Variants in FHIT observed in about 807,000 individuals in gnomAD.
FHIT encodes bis(5'-adenosyl)-triphosphatase.
In FHIT, 19 loss-of-function variants were observed where a neutral mutation model predicts 17.9. That is an observed-to-expected ratio of 1.06 (90% confidence interval 0.74 to 1.56). FHIT has a LOEUF of 1.56. FHIT is among the 40% of genes most tolerant of loss of function. FHIT has a pLI of 0.00. For synonymous variants in FHIT, 81 were observed against 69.7 expected (o/e 1.16, Z -0.81); for missense variants, 248 against 189.2 (o/e 1.31, Z -1.82).
chr3:60,103,815 G>C (rs1195158544), intron 5 of FHIT, among the ~76,000 whole-genome samples: 6 of 152,174 alleles, frequency 3.9e-5, no homozygotes, highest in Admixed American at 3.9e-4. Flanking sequence ...ACTGCTTCAG[G>C]AATATGTTTT....
chr3:60,571,356 A>AAAAAAAAAAG (rs1559549048), intron 4 of FHIT, among the ~76,000 whole-genome samples: 7 of 143,128 alleles, frequency 4.9e-5, no homozygotes, highest in African/African-American at 1.7e-4. Context: ...AAAAAAAAAA[A>AAAAAAAAAAG]AAAAAAAGAA....
At chr3:60,523,109 ACCAT>A (rs965935430) in intron 5 of FHIT, among the ~76,000 whole-genome samples, 3 of 152,180 alleles carry the variant, frequency 2.0e-5, no homozygotes, top group Non-Finnish European at 2.9e-5. Flanking sequence ...TATGGGGGAA[ACCAT>A]CCCTGTGATT....
At chr3:60,720,295 C>T (rs1378408870) in intron 4 of FHIT, among the ~76,000 whole-genome samples, 1 of 152,158 alleles carries the variant, frequency 6.6e-6, no homozygotes, top group Non-Finnish European at 1.5e-5. Context: ...AATGTCATCT[C>T]CCCTGAAAGC....
chr3:60,708,648 C>T (rs1291784431), intron 4 of FHIT, among the ~76,000 whole-genome samples: 1 of 152,132 alleles, frequency 6.6e-6, no homozygotes, highest in Non-Finnish European at 1.5e-5. Context: ...ATGAATGGCC[C>T]TAAAATTAAA....
intron 4 of FHIT, among the ~76,000 whole-genome samples, chr3:60,556,487 C>T (rs761919969): frequency 2.9e-4 from 44 of 152,328 alleles, no homozygotes; most frequent in Non-Finnish European, 5.0e-4. Flanking sequence ...TTGAATACTT[C>T]TAAATGCCCA....
intron 4 of FHIT, among the ~76,000 whole-genome samples, chr3:60,565,579 G>A (rs1237146356): frequency 6.6e-6 from 1 of 152,072 alleles, no homozygotes; most frequent in Non-Finnish European, 1.5e-5. Flanking sequence ...TGAATACTCA[G>A]AAAAATATTT....
At chr3:60,079,596 C>G (rs1261779901) in intron 5 of FHIT, among the ~76,000 whole-genome samples, 1 of 151,998 alleles carries the variant, frequency 6.6e-6, no homozygotes, top group African/African-American at 2.4e-5. Context: ...CCACCCACTC[C>G]TGAGAACCCT....
chr3:60,391,690 T>G (rs1701240706), intron 5 of FHIT, among the ~76,000 whole-genome samples: 1 of 152,228 alleles, frequency 6.6e-6, no homozygotes, highest in African/African-American at 2.4e-5. Flanking sequence ...ATAGCCTACA[T>G]GTGCAGTAGG....
intron 8 of FHIT, among the ~76,000 whole-genome samples, chr3:59,921,349 A>G (rs978057013): frequency 3.3e-5 from 5 of 152,246 alleles, no homozygotes; most frequent in South Asian, 2.1e-4. Context: ...GAAACAAGGT[A>G]GAGATAATCA....
chr3:60,684,919 C>G (rs2040828701), intron 4 of FHIT, among the ~76,000 whole-genome samples: 1 of 152,174 alleles, frequency 6.6e-6, no homozygotes, highest in Non-Finnish European at 1.5e-5. Flanking sequence ...CTTGGAAAAA[C>G]AGCAGATACA....
At chr3:60,407,067 A>ATTTTTTT (rs34542104) in intron 5 of FHIT, among the ~76,000 whole-genome samples, 21 of 62,896 alleles carry the variant, frequency 3.3e-4, no homozygotes, top group African/African-American at 8.3e-4. Flanking sequence ...CCTGCCAATA[A>ATTTTTTT]TTTTTTTTTT....
intron 2 of FHIT, among the ~76,000 whole-genome samples, chr3:61,160,590 C>T (rs9827045): frequency 0.42 from 63,290 of 151,870 alleles, 13,607 homozygotes; most frequent in East Asian, 0.59. Context: ...TTTAAAACAA[C>T]AGAAGGAAGA....
chr3:60,026,190 G>A (rs1700735016), intron 5 of FHIT, among the ~76,000 whole-genome samples: 1 of 152,020 alleles, frequency 6.6e-6, no homozygotes, highest in Admixed American at 6.6e-5. Context: ...AAATCTCCTA[G>A]CCTACTGTCC....
At chr3:60,108,553 C>T (rs553140620) in intron 5 of FHIT, among the ~76,000 whole-genome samples, 1 of 152,156 alleles carries the variant, frequency 6.6e-6, no homozygotes, top group Non-Finnish European at 1.5e-5. Flanking sequence ...GACCACAGCC[C>T]TCCCTCTTGC....
chr3:61,189,369 C>T lies in FHIT; in HGVS notation c.-164+11248G>A, dbSNP rs550201235. ...GAGAATAAAATACCTAGGAATCCAA[C>T]TTACAAGAGATGGGAAGGACCTCTT... On this transcript the variant is annotated intron_variant, in intron 2 of 9. Coordinates refer to ENST00000492590, the MANE Select transcript of FHIT (RefSeq NM_002012.4). 5.2e-3 allele frequency among the ~76,000 whole-genome samples: 799 copies of T among 152,252 alleles called. 1 individual carries two copies. The highest frequency in any genetic ancestry group is 9.0e-3 in the Non-Finnish European group (609 of 68,018).
intron 8 of FHIT, among the ~76,000 whole-genome samples, chr3:59,898,781 C>G (rs886320938): frequency 6.6e-6 from 1 of 151,842 alleles, no homozygotes; most frequent in Non-Finnish European, 1.5e-5. Flanking sequence ...GATTTCTCAC[C>G]GACATTAGTA....
chr3:61,226,880 G>A (rs1212594303), intron 1 of FHIT, among the ~76,000 whole-genome samples: 1 of 152,286 alleles, frequency 6.6e-6, no homozygotes, highest in Non-Finnish European at 1.5e-5. Context: ...ACTGAAATGG[G>A]TAGAATGCTG....
In FHIT at chr3:60,644,014, C is replaced by A. The variant is rs190577929; in HGVS notation, c.-17-107035G>T. On this transcript the variant is annotated intron_variant, in intron 4 of 9. Transcript: ENST00000492590. The stretch of plus-strand genomic sequence containing the variant: ...GCCACTGTGAAATTTACAACATACA[C>A]TAACAGAGAGTTTGAGAAATCCCAT... Among the ~76,000 whole-genome samples the A allele has an allele frequency of 2.3e-3, 356 of 152,302 alleles. 2 individuals are homozygous for A. The highest frequency in any genetic ancestry group is 4.1e-3 in the Non-Finnish European group (281 of 68,016).
chr3:61,072,537 G>T (rs918749728), intron 2 of FHIT, among the ~76,000 whole-genome samples: 1 of 152,082 alleles, frequency 6.6e-6, no homozygotes, highest in Non-Finnish European at 1.5e-5. Context: ...AGGATTTCTG[G>T]ATGCACTATA....
Sources: allele counts gnomAD v4.1 joint callset (sites outside exome capture counted in the v4.1 genomes callset), GRCh38; gene constraint gnomAD v4.1.1; transcripts MANE v1.5; gene names NCBI Gene and HGNC (gene_info 2026-07-23, HGNC 2026-07-21).